NLRP2: variants seen among roughly 807,000 people sequenced by gnomAD.
NLRP2 encodes NLR family pyrin domain containing 2, also known as NACHT, LRR and PYD domains-containing protein 2.
In NLRP2, 107 loss-of-function variants were observed where a neutral mutation model predicts 97.2. That is an observed-to-expected ratio of 1.10 (90% CI 0.94 to 1.29). NLRP2 has a LOEUF of 1.29. Among genes scored for constraint, NLRP2 ranks in the 50% most tolerant of loss-of-function variants. The pLI, the probability that NLRP2 is intolerant of heterozygous loss-of-function variation, is 0.00. For synonymous variants in NLRP2, 663 were observed against 551.5 expected, an observed-to-expected ratio of 1.20 and a Z score of -2.83; for missense variants, 1,495 against 1,330.3, an observed-to-expected ratio of 1.12 and a Z score of -1.93.
At position 54,986,144 on chromosome 19, in the gene NLRP2, T is replaced by G; in HGVS notation, c.2202-7T>G. On this transcript the variant is annotated splice_polypyrimidine_tract_variant and splice_region_variant and intron_variant, in intron 7 of 12. Coordinates refer to ENST00000448584, the MANE Select transcript of NLRP2 (RefSeq NM_017852.5). ...TAAAGATTTCACTTTCGTTCTCTTT[T>G]CCCTAGGTTCAAAAACATTTCCCCA... is the stretch of plus-strand genomic sequence containing the variant. 6.2e-7 allele frequency: 1 copy of G among 1,609,012 alleles called. No individual in the cohort carries two copies. Among genetic ancestry groups the G allele is most frequent in the Admixed American group, 1.7e-5 (1 of 59,992 alleles).
intron 12 of NLRP2, 89 bp from the exon 13 acceptor site, chr19:55,000,671 C>T: frequency 1.5e-6 from 2 of 1,337,902 alleles, no homozygotes; most frequent in East Asian, 2.3e-5. Flanking sequence ...ATGCCCTGTG[C>T]CTCCTTAACA....
chr19:54,982,134 C>G, intron 5 of NLRP2, 28 bp from the exon 6 acceptor site: 1 of 1,613,566 alleles, frequency 6.2e-7, no homozygotes, highest in Non-Finnish European at 8.5e-7. Context: ...TGCATCCTCT[C>G]TCCCTTCCCT....
At chr19:54,994,138 C>A in intron 10 of NLRP2, 131 bp from the exon 11 acceptor site, 1 of 986,034 alleles carries the variant, frequency 1.0e-6, no homozygotes, top group Non-Finnish European at 1.6e-6. Context: ...CACCACACCA[C>A]CCCATGATTC....
At position 54,995,982 on chromosome 19, in the gene NLRP2, G is replaced by A. The variant is rs141790709; in HGVS notation, c.2880-1335G>A. On this transcript the variant is annotated intron_variant, in intron 11 of 12. Coordinates refer to ENST00000448584, the MANE Select transcript of NLRP2 (RefSeq NM_017852.5). ...TTGAGCCTGGGAGGAAGAAGTTACA[G>A]CGAATTGAGATCACGTCACCTCACT... Among the ~76,000 whole-genome samples, 585 of 142,474 alleles carry A rather than the reference G, an allele frequency of 4.1e-3. 1 individual carries two copies. The highest frequency in any genetic ancestry group is 0.014 in the African/African-American group (549 of 39,324). The allele number at this position is 142,474 out of a possible 152,430, so 93.5% of individuals were successfully genotyped here.
rs1278305959 is a variant in NLRP2 at position 55,001,013 on chromosome 19, T to C, written c.*115T>C. ...CCCTCAGGGATAATGAGTTCATTGC[T>C]GGGCTAGATGTTTTAGCCATGATTC... On this transcript the variant is annotated 3_prime_UTR_variant, in exon 13 of 13. Transcript: ENST00000448584. 1 of 903,080 alleles carries C rather than the reference T, an allele frequency of 1.1e-6. No individual in the cohort carries two copies. The highest frequency in any genetic ancestry group is 1.6e-5 in the African/African-American group (1 of 60,986). 55.9% of individuals were successfully genotyped at this position (903,080 alleles called of 1,614,324 possible).
intron 1 of NLRP2, among the ~76,000 whole-genome samples, chr19:54,968,864 G>A (rs2070659564): frequency 6.6e-6 from 1 of 151,880 alleles, no homozygotes; most frequent in East Asian, 1.9e-4. Flanking sequence ...ACCACGCCCG[G>A]CTAATTTTTT....
At chr19:54,966,665 C>G (rs947729087) in intron 1 of NLRP2, among the ~76,000 whole-genome samples, 198 bp downstream of exon 1, 1 of 151,874 alleles carries the variant, frequency 6.6e-6, no homozygotes, top group East Asian at 1.9e-4. Flanking sequence ...CCTGCCTCAG[C>G]CTCCCGAGTA....
chr19:54,999,037 C>T (rs868191092), intron 12 of NLRP2, among the ~76,000 whole-genome samples: 18 of 151,704 alleles, frequency 1.2e-4, no homozygotes, highest in Non-Finnish European at 2.1e-4. Flanking sequence ...ACCTCCCTCC[C>T]GGACAGGGCG....
At chr19:54,987,069 G>T (rs2072143352) in intron 8 of NLRP2, among the ~76,000 whole-genome samples, 1 of 151,394 alleles carries the variant, frequency 6.6e-6, no homozygotes, top group African/African-American at 2.4e-5. Flanking sequence ...ATTATTAGTA[G>T]AGATGGAGTT....
intron 4 of NLRP2, among the ~76,000 whole-genome samples, chr19:54,980,486 G>A (rs371942977): frequency 2.0e-5 from 3 of 152,190 alleles, no homozygotes; most frequent in African/African-American, 4.8e-5. Flanking sequence ...GAGCCACCGC[G>A]CCCAGCCGCG....
chr19:54,973,197 AAAAC>A (rs376065605), intron 2 of NLRP2, among the ~76,000 whole-genome samples: 2,866 of 152,002 alleles, frequency 0.019, 36 homozygotes, highest in South Asian at 0.056. Flanking sequence ...TCAAAAAAAA[AAAAC>A]AAACAAACAT....
intron 12 of NLRP2, among the ~76,000 whole-genome samples, chr19:54,999,065 G>T (rs1322430349): frequency 9.9e-6 from 1 of 100,678 alleles, no homozygotes; most frequent in East Asian, 2.2e-4. Context: ...GGTTAGAGGG[G>T]CTCCTCACTT....
At chr19:54,971,719 G>C (rs902676761) in intron 2 of NLRP2, among the ~76,000 whole-genome samples, 16 of 151,956 alleles carry the variant, frequency 1.1e-4, no homozygotes, top group Non-Finnish European at 1.5e-5. Flanking sequence ...TCGCTTTCAG[G>C]TATCGTACAG....
At chr19:54,968,436 C>T (rs2070617989) in intron 1 of NLRP2, among the ~76,000 whole-genome samples, 1 of 151,392 alleles carries the variant, frequency 6.6e-6, no homozygotes, top group Non-Finnish European at 1.5e-5. Flanking sequence ...GTGATCCTCC[C>T]ACCTCAGCCT....
rs2072666208 is a variant in NLRP2 at position 54,994,209 on chromosome 19, C to T, written c.2709-60C>T. ...ACCCACGGCTCAAGAGTCAAAGGTGCATCACAGCAGTGAGAACTCACAGGT... is the reference window on the plus strand; with the variant it reads ...ACCCACGGCTCAAGAGTCAAAGGTGTATCACAGCAGTGAGAACTCACAGGT... On this transcript the variant is annotated intron_variant, in intron 10 of 12. Transcript: ENST00000448584. 4 of 1,558,716 alleles carry T rather than the reference C, an allele frequency of 2.6e-6. No individual in the cohort carries two copies. The East Asian group carries it at 6.7e-5, about 26-fold the overall frequency.
chr19:54,992,727 T>G (rs2072570374), intron 10 of NLRP2, among the ~76,000 whole-genome samples: 1 of 151,712 alleles, frequency 6.6e-6, no homozygotes, highest in South Asian at 2.1e-4. Context: ...CCCAGCTAAC[T>G]TCTTTATTTT....
At chr19:54,994,143 T>C in intron 10 of NLRP2, 126 bp from the exon 11 acceptor site, 1 of 1,028,982 alleles carries the variant, frequency 9.7e-7, no homozygotes, top group Non-Finnish European at 1.5e-6. Flanking sequence ...CACCACCCCA[T>C]GATTCCATTT....
chr19:54,966,768 A>G (rs2070451870), intron 1 of NLRP2, among the ~76,000 whole-genome samples: 1 of 148,084 alleles, frequency 6.8e-6, no homozygotes, highest in Non-Finnish European at 1.5e-5. Flanking sequence ...GGCTGGTCTC[A>G]GTCCGCCTCG....
chr19:54,988,751 C>G (rs955133726), intron 8 of NLRP2, among the ~76,000 whole-genome samples: 1 of 152,178 alleles, frequency 6.6e-6, no homozygotes, highest in Admixed American at 6.5e-5. Context: ...AACTCCTGGC[C>G]TCATGATCCA....
Sources: gnomAD v4.1 joint callset for allele counts (sites outside exome capture counted in the v4.1 genomes callset) on GRCh38, gnomAD v4.1.1 for gene constraint, MANE v1.5 for transcripts, NCBI Gene and HGNC (gene_info 2026-07-23, HGNC 2026-07-21) for gene names.